Variants in SERAC1 observed in about 807,000 individuals in gnomAD.
SERAC1 encodes the protein serine active site containing 1.
In SERAC1, 36 loss-of-function variants were observed where a neutral mutation model predicts 85.7. The ratio of observed to expected loss-of-function variants is 0.42; its 90% CI spans 0.32 to 0.55. SERAC1 has a LOEUF of 0.55. Among genes scored for constraint, SERAC1 ranks in the 20% least tolerant of loss-of-function variants. The probability of loss-of-function intolerance (pLI) is 0.11; values close to 1 mark genes in which losing one functional copy is unlikely to be tolerated. For missense variants in SERAC1, 629 were observed against 796.2 expected (o/e 0.79, Z 2.53); for synonymous variants, 242 against 265.3 (o/e 0.91, Z 0.85).
chr6:158,162,853 A>G (rs1785517071), intron 1 of SERAC1, among the ~76,000 whole-genome samples: 2 of 152,046 alleles, frequency 1.3e-5, no homozygotes, highest in Admixed American at 6.5e-5. Flanking sequence ...AATGGCCACA[A>G]ATTATTCCTT....
chr6:158,118,751 GTATTA>G (rs2128411875), intron 12 of SERAC1, among the ~76,000 whole-genome samples: 1 of 151,776 alleles, frequency 6.6e-6, no homozygotes, highest in South Asian at 2.1e-4. Flanking sequence ...TGTTATTTTT[GTATTA>G]TATTACAACA....
intron 15 of SERAC1, chr6:158,114,583 A>G: frequency 1.5e-6 from 2 of 1,302,200 alleles, no homozygotes; most frequent in South Asian, 2.5e-5. Context: ...AATTATTACA[A>G]TGCTTGAGTA....
chr6:158,151,353 G>A (rs974573170), intron 3 of SERAC1, among the ~76,000 whole-genome samples: 5 of 152,184 alleles, frequency 3.3e-5, no homozygotes, highest in African/African-American at 1.2e-4. Context: ...CAAGCCTGCG[G>A]CATGCTATGA....
chr6:158,143,372 T>TAC (rs1299867602), intron 7 of SERAC1, among the ~76,000 whole-genome samples, 188 bp from the exon 8 acceptor site: 1,235 of 13,818 alleles, frequency 0.089, 6 homozygotes, highest in Admixed American at 0.13. Context: ...TATATATATA[T>TAC]ATACACACAC....
intron 16 of SERAC1, 151 bp from the exon 17 acceptor site, chr6:158,111,653 G>C: frequency 3.7e-6 from 2 of 538,598 alleles, no homozygotes; most frequent in Admixed American, 3.7e-5. Context: ...TTTGATTGCA[G>C]CTAAACTACA....
chr6:158,158,439 T>C, intron 1 of SERAC1, 75 bp from the exon 2 acceptor site: 1 of 1,130,554 alleles, frequency 8.8e-7, no homozygotes, highest in Non-Finnish European at 1.3e-6. Context: ...TACAAGAACA[T>C]GTTACCATCA....
chr6:158,131,034 G>A (rs528324225), intron 8 of SERAC1, among the ~76,000 whole-genome samples: 1 of 152,110 alleles, frequency 6.6e-6, no homozygotes, highest in East Asian at 1.9e-4. Flanking sequence ...TTACAAAACA[G>A]AAGAGTAGTG....
intron 1 of SERAC1, among the ~76,000 whole-genome samples, chr6:158,163,659 C>A (rs10946113): frequency 0.15 from 22,284 of 152,122 alleles, 2,509 homozygotes; most frequent in East Asian, 0.42. Context: ...TATGTATGGA[C>A]CTATTCCACT....
intron 5 of SERAC1, among the ~76,000 whole-genome samples, chr6:158,148,549 TCTC>T (rs1785125545): frequency 6.6e-6 from 1 of 152,026 alleles, no homozygotes; most frequent in South Asian, 2.1e-4. Flanking sequence ...TTCAAGTCAT[TCTC>T]CTGCCTCAGC....
At position 158,110,934 on chromosome 6, in the gene SERAC1, G is replaced by A. The variant is rs1011439559; in HGVS notation, c.*432C>T. The A allele has an allele frequency of 3.3e-5, 5 of 152,852 alleles. No homozygotes were observed. The highest frequency in any genetic ancestry group is 1.2e-4 in the African/African-American group (5 of 41,470). 9.5% of individuals were successfully genotyped at this position (152,852 alleles called of 1,614,324 possible). ...CAATACCCAGAAGTAAAAGAGTCTT[G>A]AATGTTCTAGTTCATTCTTCTCTCC... On this transcript the variant is annotated 3_prime_UTR_variant, in exon 17 of 17. Coordinates refer to ENST00000647468, the MANE Select transcript of SERAC1 (RefSeq NM_032861.4).
In SERAC1 at chr6:158,137,415, TA is replaced by T. The variant is rs572610354; in HGVS notation, c.738+5640del. Among the ~76,000 whole-genome samples the T allele has an allele frequency of 2.2e-4, 33 of 149,382 alleles. 1 individual carries two copies. The highest frequency in any genetic ancestry group is 2.9e-4 in the African/African-American group (12 of 40,866). ...TGAGACGGAGTCTTGCTCTGTCATT[TA>T]AAAAAAAAATACTAAAAACAATGTA... On this transcript the variant is annotated intron_variant, in intron 8 of 16. Coordinates refer to ENST00000647468, the MANE Select transcript of SERAC1 (RefSeq NM_032861.4).
Position 158,110,547 on chromosome 6 carries a change from C to G in SERAC1, c.*819G>C, listed in dbSNP as rs1360864803. 6.6e-6 allele frequency: 1 copy of G among 152,154 alleles called. No individual in the cohort carries two copies. Among genetic ancestry groups the G allele is most frequent in the Non-Finnish European group, 1.5e-5 (1 of 68,046 alleles). 9.4% of individuals were successfully genotyped at this position (152,154 alleles called of 1,614,324 possible). ...TATAGAGGTCAATTAATACCACTTG[C>G]AAATGAGCAAGGAAGAAGAAAGGTT... is the stretch of plus-strand genomic sequence containing the variant. On this transcript the variant is annotated 3_prime_UTR_variant, in exon 17 of 17. Coordinates refer to ENST00000647468, the MANE Select transcript of SERAC1 (RefSeq NM_032861.4).
In SERAC1 at chr6:158,120,698, G is replaced by A; in HGVS notation, c.1016-123C>T. ...ACCTTGCGTGTCTGTCCTTGGCGGAGAAGTCCGACTATTCCAACCCCATTC... is the reference window on the plus strand; with the variant it reads ...ACCTTGCGTGTCTGTCCTTGGCGGAAAAGTCCGACTATTCCAACCCCATTC... On this transcript the variant is annotated intron_variant, in intron 10 of 16. Coordinates refer to ENST00000647468, the MANE Select transcript of SERAC1 (RefSeq NM_032861.4). The surrounding 1 kb of genome is among the most constrained non-coding windows in gnomAD (Gnocchi z 4.4). The A allele has an allele frequency of 4.7e-6, 5 of 1,057,546 alleles. No homozygotes were observed. In the South Asian group the frequency reaches 5.0e-5, roughly 11 times the overall value. 65.5% of individuals were successfully genotyped at this position (1,057,546 alleles called of 1,614,324 possible).
intron 10 of SERAC1, among the ~76,000 whole-genome samples, chr6:158,127,357 G>C (rs1583572067): frequency 3.9e-5 from 1 of 25,938 alleles, no homozygotes; most frequent in Non-Finnish European, 7.8e-5. Flanking sequence ...CAGCCGCCCC[G>C]TCCGGGAGGG....
chr6:158,165,418 G>C (rs1193750382), intron 1 of SERAC1, among the ~76,000 whole-genome samples: 3 of 152,174 alleles, frequency 2.0e-5, no homozygotes, highest in Non-Finnish European at 4.4e-5. Context: ...GCCTACCAAA[G>C]TGCTGGGATT....
chr6:158,130,523 A>G, intron 8 of SERAC1, 37 bp from the exon 9 acceptor site: 1 of 1,276,124 alleles, frequency 7.8e-7, no homozygotes, highest in Non-Finnish European at 1.1e-6. Flanking sequence ...ACTGAAAAAA[A>G]GTGACTAATA....
At chr6:158,166,961 T>A in intron 1 of SERAC1, among the ~76,000 whole-genome samples, 1 of 152,108 alleles carries the variant, frequency 6.6e-6, no homozygotes, top group South Asian at 2.1e-4. Context: ...TTCACCATTG[T>A]ATCCCAAGCG....
chr6:158,154,580 C>G (rs912225625), intron 3 of SERAC1, among the ~76,000 whole-genome samples: 3 of 151,906 alleles, frequency 2.0e-5, no homozygotes, highest in Non-Finnish European at 4.4e-5. Flanking sequence ...ATATTCCTCC[C>G]CCTAAAAAAA....
chr6:158,135,863 G>A (rs1458870842), intron 8 of SERAC1, among the ~76,000 whole-genome samples: 3 of 152,134 alleles, frequency 2.0e-5, no homozygotes, highest in Non-Finnish European at 4.4e-5. Context: ...AGGCTGGAGT[G>A]CAGTGGTGCA....
Sources: gnomAD v4.1 joint callset for allele counts (sites outside exome capture counted in the v4.1 genomes callset) on GRCh38, gnomAD v4.1.1 for gene constraint, Gnocchi (gnomAD v3.1) non-coding constraint, MANE v1.5 for transcripts, NCBI Gene and HGNC (gene_info 2026-07-23, HGNC 2026-07-21) for gene names.